Variants in ZSCAN5A observed in about 807,000 individuals in gnomAD.
The protein encoded by ZSCAN5A is zinc finger and SCAN domain-containing protein 5A.
In ZSCAN5A, 12 loss-of-function variants were observed where a neutral mutation model predicts 23.7. The observed-to-expected ratio is 0.51, with a 90% CI of 0.32 to 0.82. ZSCAN5A has a LOEUF of 0.82. Among genes scored for constraint, ZSCAN5A ranks in the 40% least tolerant of loss-of-function variants. The pLI is 0.03. For synonymous variants in ZSCAN5A, 257 were observed against 239.9 expected (o/e 1.07, Z -0.66); for missense variants, 597 against 617.9 (o/e 0.97, Z 0.36).
chr19:56,353,749 T>A (rs921524830), intron 2 of ZSCAN5A, among the ~76,000 whole-genome samples: 1 of 151,864 alleles, frequency 6.6e-6, no homozygotes, highest in Admixed American at 6.6e-5. Context: ...GCCACTGCAC[T>A]CCAGCCTGGG....
At chr19:56,248,644 G>A (rs971957897) in intron 2 of ZSCAN5A, among the ~76,000 whole-genome samples, 1 of 152,002 alleles carries the variant, frequency 6.6e-6, no homozygotes, top group African/African-American at 2.4e-5. Flanking sequence ...TGTTGCCAAG[G>A]CTGGTCTCAA....
rs534450623 is a variant in ZSCAN5A, at chr19:56,362,522, T to C, written c.-358+713A>G. ...AGGCAGAGGTTGCAGTGAGCCGAGA[T>C]TGCACAAAAAGGCAACAGAGTGAGG... On this transcript the variant is annotated intron_variant, in intron 2 of 6. Transcript: ENST00000587340. Among the ~76,000 whole-genome samples the C allele has an allele frequency of 9.2e-5, 14 of 151,744 alleles. No homozygotes were observed. The South Asian group carries it at 1.5e-3, about 16-fold the overall frequency.
In ZSCAN5A at chr19:56,313,642, AT is replaced by A. The variant is rs371348119; in HGVS notation, c.-229-259del. Among the ~76,000 whole-genome samples the A allele has an allele frequency of 9.9e-4, 151 of 152,336 alleles. 1 individual carries two copies. Among genetic ancestry groups the A allele is most frequent in the Middle Eastern group, 3.4e-3 (1 of 294 alleles). On this transcript the variant is annotated intron_variant, in intron 1 of 5. Coordinates refer to ENST00000683990, the MANE Select transcript of ZSCAN5A (RefSeq NM_001322064.3). ...ACTAATTTTTAAACTAGCTTTATAA[AT>A]TCTTTTATCATTAGGAGGTTTCATA...
At chr19:56,325,522 A>C (rs1023664854) in intron 2 of ZSCAN5A, among the ~76,000 whole-genome samples, 1 of 152,114 alleles carries the variant, frequency 6.6e-6, no homozygotes, top group Non-Finnish European at 1.5e-5. Flanking sequence ...TCTTGTGTGA[A>C]TTTCACTCTT....
chr19:56,237,858 A>G (rs2035054901), intron 2 of ZSCAN5A, among the ~76,000 whole-genome samples: 1 of 148,484 alleles, frequency 6.7e-6, no homozygotes, highest in Non-Finnish European at 1.5e-5. Flanking sequence ...TGGAGGTTGC[A>G]GTGACCTGAG....
intron 2 of ZSCAN5A, among the ~76,000 whole-genome samples, chr19:56,259,858 C>A (rs920020386): frequency 4.6e-5 from 7 of 152,178 alleles, no homozygotes; most frequent in Admixed American, 1.3e-4. Context: ...ACTGTGGTCC[C>A]AGCTACTCAG....
At chr19:56,269,272 C>T (rs1255105806) in intron 2 of ZSCAN5A, among the ~76,000 whole-genome samples, 1 of 152,202 alleles carries the variant, frequency 6.6e-6, no homozygotes, top group Non-Finnish European at 1.5e-5. Context: ...AATTTCTCCA[C>T]ATCCCCTCAA....
At chr19:56,341,702 CAAAAAA>C (rs1175628460) in intron 2 of ZSCAN5A, among the ~76,000 whole-genome samples, 89 of 53,790 alleles carry the variant, frequency 1.7e-3, no homozygotes, top group African/African-American at 4.9e-3. Context: ...TACCAAAAGG[CAAAAAA>C]AAAAAAAAAA....
chr19:56,241,564 C>T (rs1240120406), intron 2 of ZSCAN5A, among the ~76,000 whole-genome samples: 1 of 152,206 alleles, frequency 6.6e-6, no homozygotes, highest in Non-Finnish European at 1.5e-5. Flanking sequence ...ACATGCCTTA[C>T]TTTATGTACT....
chr19:56,229,611 C>A (rs943798894), intron 2 of ZSCAN5A, among the ~76,000 whole-genome samples: 1 of 152,190 alleles, frequency 6.6e-6, no homozygotes, highest in Admixed American at 6.5e-5. Flanking sequence ...CCTAAATCCT[C>A]CCCTCTGTAA....
intron 2 of ZSCAN5A, among the ~76,000 whole-genome samples, chr19:56,238,528 C>A (rs1393304475): frequency 1.3e-5 from 2 of 152,134 alleles, no homozygotes; most frequent in East Asian, 1.9e-4. Flanking sequence ...GATACTCACT[C>A]AGGAGGCTGG....
chr19:56,262,444 G>A (rs916327330), intron 2 of ZSCAN5A, among the ~76,000 whole-genome samples: 11 of 145,466 alleles, frequency 7.6e-5, no homozygotes, highest in Admixed American at 2.7e-4. Flanking sequence ...TTTTTGAGAC[G>A]GAGTTTTGCT....
At chr19:56,341,239 C>T (rs1161944524) in intron 2 of ZSCAN5A, 1 of 152,100 alleles carries the variant, frequency 6.6e-6, no homozygotes, top group African/African-American at 2.4e-5. Context: ...ACTAACAAAG[C>T]CTCCAAGAAA....
intron 2 of ZSCAN5A, among the ~76,000 whole-genome samples, chr19:56,278,708 G>A (rs896968861): frequency 6.6e-6 from 1 of 152,234 alleles, no homozygotes; most frequent in Non-Finnish European, 1.5e-5. Flanking sequence ...GAAGGCCTCA[G>A]AACCAAGGAA....
chr19:56,332,930 T>C (rs1277599680), intron 2 of ZSCAN5A, among the ~76,000 whole-genome samples: 1 of 152,230 alleles, frequency 6.6e-6, no homozygotes, highest in Non-Finnish European at 1.5e-5. Flanking sequence ...TAGTTTGGTG[T>C]GACATAAAAT....
chr19:56,252,924 A>G (rs1445892608), intron 2 of ZSCAN5A, among the ~76,000 whole-genome samples: 1 of 152,226 alleles, frequency 6.6e-6, no homozygotes. Flanking sequence ...CAAGGCCATA[A>G]CAGGAGCAAG....
chr19:56,318,617 A>C (rs2147419438), upstream of ZSCAN5A, among the ~76,000 whole-genome samples: 1 of 152,336 alleles, frequency 6.6e-6, no homozygotes, highest in Middle Eastern at 3.4e-3. Context: ...AGCATCACTG[A>C]CTTTAATATT....
chr19:56,327,797 T>A (rs1489538384), intron 2 of ZSCAN5A, among the ~76,000 whole-genome samples: 1 of 151,966 alleles, frequency 6.6e-6, no homozygotes, highest in East Asian at 1.9e-4. Context: ...ACACATGCGA[T>A]ACATATGCAC....
chr19:56,279,526 A>C (rs1470802764), intron 2 of ZSCAN5A, among the ~76,000 whole-genome samples: 1 of 152,220 alleles, frequency 6.6e-6, no homozygotes, highest in Non-Finnish European at 1.5e-5. Context: ...CTGAGAATTT[A>C]AAATACGTCA....
Sources: allele counts gnomAD v4.1 joint callset (sites outside exome capture counted in the v4.1 genomes callset), GRCh38; gene constraint gnomAD v4.1.1; transcripts MANE v1.5; gene names NCBI Gene and HGNC (gene_info 2026-07-23, HGNC 2026-07-21).